The following KIAA0408 variants were observed in gnomAD, a reference collection of about 807,000 sequenced individuals.
KIAA0408 encodes uncharacterized protein KIAA0408.
Under a neutral mutation model 60.9 loss-of-function variants are expected in KIAA0408, and 51 were observed. That is an observed-to-expected ratio of 0.84 (90% CI 0.67 to 1.06). The LOEUF (loss-of-function observed/expected upper bound fraction) is 1.06, where lower values mean the gene tolerates loss of function less well. Among genes scored for constraint, KIAA0408 ranks in the 50% least tolerant of loss-of-function variants. The probability of loss-of-function intolerance (pLI) is 0.00; values close to 1 mark genes in which losing one functional copy is unlikely to be tolerated. For missense variants in KIAA0408, 787 were observed against 833.9 expected, an observed-to-expected ratio of 0.94 and a Z score of 0.69; for synonymous variants, 304 against 282.4, an observed-to-expected ratio of 1.08 and a Z score of -0.77.
chr6:127,449,251 G>T (rs1562370636), intron 4 of KIAA0408, among the ~76,000 whole-genome samples: 1 of 152,080 alleles, frequency 6.6e-6, no homozygotes, highest in African/African-American at 2.4e-5. Flanking sequence ...ATTTTTTATG[G>T]AGGGTCTACC....
intron 1 of KIAA0408, among the ~76,000 whole-genome samples, chr6:127,455,976 C>T (rs190718106): frequency 1.7e-3 from 263 of 152,208 alleles, no homozygotes; most frequent in African/African-American, 6.2e-3. Context: ...TCTTGAATAC[C>T]TAGTAATCTT....
Position 127,447,407 on chromosome 6 carries a change from T to G in KIAA0408, c.912A>C (p.Arg304=). Residue 304 remains arginine (R), a synonymous_variant, in exon 5 of 6, where the codon CGA becomes CGC. Coordinates refer to ENST00000483725, the MANE Select transcript of KIAA0408 (RefSeq NM_014702.5). Reference sequence around the variant, plus strand: ...AGTGAGGGTTGTAATTCCTTTTACTTCGACCCTCATGGGGCACCCAGCTGT... The same window carrying G: ...AGTGAGGGTTGTAATTCCTTTTACTGCGACCCTCATGGGGCACCCAGCTGT... The part of the protein sequence containing the change: ...DHNSWVPHEG[R]SKRNYNPHFP... The G allele has an allele frequency of 6.2e-7, 1 of 1,613,516 alleles. No individual in the cohort carries two copies.
chr6:127,445,508 T>G (rs1486921018), intron 5 of KIAA0408, among the ~76,000 whole-genome samples: 1 of 152,166 alleles, frequency 6.6e-6, no homozygotes, highest in East Asian at 1.9e-4. Flanking sequence ...ATAGTAGTTT[T>G]TTACACCAGA....
Position 127,449,906 on chromosome 6 carries a change from ACACATATAAG to A in KIAA0408, c.499-15_499-6del, listed in dbSNP as rs1562370883. 6.2e-7 allele frequency: 1 copy of A among 1,614,008 alleles called. No individual in the cohort carries two copies. Among genetic ancestry groups the A allele is most frequent in the Non-Finnish European group, 8.5e-7 (1 of 1,179,960 alleles). On this transcript the variant is annotated splice_region_variant and splice_polypyrimidine_tract_variant and intron_variant, in intron 3 of 5. Coordinates refer to ENST00000483725, the MANE Select transcript of KIAA0408 (RefSeq NM_014702.5). The stretch of plus-strand genomic sequence containing the variant: ...CTTCGCAAGTTCTTCAAGAGCCTTT[ACACATATAAG>A]CAACAGCCCGTTAGCACTTTGAAAT...
chr6:127,458,499 T>C (rs1773433385), intron 1 of KIAA0408, among the ~76,000 whole-genome samples: 1 of 152,220 alleles, frequency 6.6e-6, no homozygotes, highest in East Asian at 1.9e-4. Context: ...TTACTCAAAT[T>C]AGAAAACATC....
At position 127,444,151 on chromosome 6, in the gene KIAA0408, G is replaced by T; in HGVS notation, c.2043C>A (p.His681Gln). 6.2e-7 allele frequency: 1 copy of T among 1,614,066 alleles called. No homozygotes were observed. Among genetic ancestry groups the T allele is most frequent in the Non-Finnish European group, 8.5e-7 (1 of 1,179,988 alleles). ...CGGATCGCAGAGAAATGGTATAGTT[G>T]TGGGTAGTTCTCCGCAAGGCAGGGG... ...SAPPALRRTTHNYTISLRSEA... is the reference protein window; with the variant it reads ...SAPPALRRTTQNYTISLRSEA... The change falls in exon 6 of 6, where the codon CAC (histidine) becomes CAA (glutamine). Residue 681 changes from histidine (H) to glutamine (Q), a missense_variant. This residue lies in a region of KIAA0408 where 133 missense variants were observed against 119.2 expected (regional missense o/e 1.12). Coordinates refer to ENST00000483725, the MANE Select transcript of KIAA0408 (RefSeq NM_014702.5).
intron 2 of KIAA0408, among the ~76,000 whole-genome samples, chr6:127,452,208 G>T (rs1408277848): frequency 6.6e-6 from 1 of 152,098 alleles, no homozygotes; most frequent in East Asian, 1.9e-4. Flanking sequence ...CTAGTACATG[G>T]CTTAATAATT....
Position 127,447,313 on chromosome 6 carries a change from T to C in KIAA0408, c.1006A>G (p.Ile336Val), listed in dbSNP as rs747903220. 2 of 1,613,878 alleles carry C rather than the reference T, an allele frequency of 1.2e-6. No homozygotes were observed. The highest frequency in any genetic ancestry group is 1.7e-5 in the Admixed American group (1 of 59,930). ...NEGKTSKDGI[I>V]FSSLVPEVKI... is the part of the protein sequence containing the mutation. ...ACTTCTGGTACCAAAGAGGAAAAGA[T>C]GATACCATCTTTCGAAGTTTTCCCT... The change falls in exon 5 of 6, where the codon ATC (isoleucine) becomes GTC (valine). Residue 336 changes from isoleucine to valine, a missense_variant. By Grantham distance (29) the Ile-to-Val change is conservative. This residue lies in a region of KIAA0408 where 640 missense variants were observed against 681.3 expected (regional missense o/e 0.94). Transcript: ENST00000483725.
Position 127,439,614 on chromosome 6 carries a change from C to CTTTTTTT in KIAA0408, c.*4488_*4494dup, listed in dbSNP as rs60309279. The CTTTTTTT allele has an allele frequency of 6.8e-6, 1 of 146,380 alleles. No individual in the cohort carries two copies. The allele number at this position is 146,380 out of a possible 1,614,324, so 9.1% of individuals were successfully genotyped here. On this transcript the variant is annotated 3_prime_UTR_variant, in exon 6 of 6. Coordinates refer to ENST00000483725, the MANE Select transcript of KIAA0408 (RefSeq NM_014702.5). The stretch of plus-strand genomic sequence containing the variant: ...CAAAAATGAAAAAGAGCTGTTCAAT[C>CTTTTTTT]TTTTTTTTTTTTTGTCTTCTCTTCC...
intron 5 of KIAA0408, among the ~76,000 whole-genome samples, chr6:127,445,623 G>A (rs1029714101): frequency 3.9e-5 from 6 of 152,132 alleles, no homozygotes; most frequent in Admixed American, 2.6e-4. Context: ...ATGTCACCTT[G>A]TAATTTTTGT....
Position 127,439,298 on chromosome 6 carries a change from T to G in KIAA0408, c.*4811A>C, listed in dbSNP as rs934471194. 1 of 152,226 alleles carries G rather than the reference T, an allele frequency of 6.6e-6. No individual in the cohort carries two copies. The highest frequency in any genetic ancestry group is 1.5e-5 in the Non-Finnish European group (1 of 68,034). 9.4% of individuals were successfully genotyped at this position (152,226 alleles called of 1,614,324 possible). A position where few individuals can be genotyped will look rare whatever the true frequency, so the allele number is the denominator to read the frequency against. On this transcript the variant is annotated 3_prime_UTR_variant, in exon 6 of 6. Coordinates refer to ENST00000483725, the MANE Select transcript of KIAA0408 (RefSeq NM_014702.5). ...CTTATGAAGTGTGAAACTATTCTGA[T>G]TCTTTTGAAGATTGAGGTCAGGATT...
chr6:127,450,019 T>C lies in KIAA0408; in HGVS notation c.469A>G (p.Ser157Gly). Reference sequence around the variant, plus strand: ...CTGAGGGCGCCAGAACAGCTCTTGCTGTCTTCCTCAGAAGTCCTCAGGTCA... The same window carrying C: ...CTGAGGGCGCCAGAACAGCTCTTGCCGTCTTCCTCAGAAGTCCTCAGGTCA... ...WPDLRTSEED[S>G]KSCSGALSTA... The change falls in exon 3 of 6, where the codon AGC (serine) becomes GGC (glycine). Residue 157 changes from serine (S) to glycine (G), a missense_variant. By Grantham distance (56) the Ser-to-Gly change is moderately conservative (BLOSUM62 0). Around this residue, in one of 3 missense-constraint regions of KIAA0408, gnomAD observed 640 missense variants for 681.3 expected, o/e 0.94. Transcript: ENST00000483725. The C allele has an allele frequency of 6.2e-7, 1 of 1,613,892 alleles. No homozygotes were observed. Among genetic ancestry groups the C allele is most frequent in the South Asian group, 1.1e-5 (1 of 91,084 alleles).
rs770084987 is a variant in KIAA0408, at chr6:127,444,275, A to G, written c.1919T>C (p.Met640Thr). The G allele has an allele frequency of 6.9e-6, 11 of 1,585,280 alleles. No individual in the cohort carries two copies. The highest frequency in any genetic ancestry group is 2.3e-5 in the East Asian group (1 of 44,222). The change falls in exon 6 of 6, where the codon ATG becomes ACG. Residue 640 changes from methionine to threonine, a missense_variant. Physicochemically the swap from Met to Thr is moderately conservative, Grantham distance 81. This residue lies in a region of KIAA0408 where 133 missense variants were observed against 119.2 expected (regional missense o/e 1.12). Transcript: ENST00000483725. ...IDPKKITEESMSVNASHGKGF... is the reference protein window; with the variant it reads ...IDPKKITEESTSVNASHGKGF... The stretch of plus-strand genomic sequence containing the variant: ...TTTTCCATGTGAGGCGTTCACTGAC[A>G]TGGATTCCTAGGACACAAGTAAAAA...
chr6:127,445,754 A>G (rs6932965), intron 5 of KIAA0408, among the ~76,000 whole-genome samples: 83,214 of 151,894 alleles, frequency 0.55, 23,686 homozygotes, highest in Non-Finnish European at 0.59. Flanking sequence ...TCATAAATAG[A>G]CAGGAACAAA....
At position 127,446,947 on chromosome 6, in the gene KIAA0408, C is replaced by T. The variant is rs1341882352; in HGVS notation, c.1372G>A (p.Ala458Thr). 1.9e-6 allele frequency: 3 copies of T among 1,614,016 alleles called. No homozygotes were observed. Among genetic ancestry groups the T allele is most frequent in the Non-Finnish European group, 2.5e-6 (3 of 1,180,006 alleles). ...GAGCAGCTGTGATTTTGCTGTATTG[C>T]CTGACAATTTCTATCTGTTCTAAAT... is the stretch of plus-strand genomic sequence containing the variant. The part of the protein sequence containing the change: ...TVFRTDRNCQ[A>T]IQQNHSCSKS... The change falls in exon 5 of 6, where the codon GCA (alanine) becomes ACA (threonine). Residue 458 changes from alanine to threonine, a missense_variant. Transcript: ENST00000483725.
At chr6:127,453,520 T>C (rs1020219649) in intron 2 of KIAA0408, among the ~76,000 whole-genome samples, 18 of 152,068 alleles carry the variant, frequency 1.2e-4, no homozygotes, top group African/African-American at 4.3e-4. Context: ...ATATCTTTCT[T>C]GCATTTTACT....
At chr6:127,444,523 TAC>T (rs1166674222) in intron 5 of KIAA0408, among the ~76,000 whole-genome samples, 5 of 152,224 alleles carry the variant, frequency 3.3e-5, no homozygotes, top group African/African-American at 9.6e-5. Flanking sequence ...CAAATTTTAA[TAC>T]AGTTAATCTC....
At chr6:127,445,816 A>C (rs1309160205) in intron 5 of KIAA0408, among the ~76,000 whole-genome samples, 1 of 152,128 alleles carries the variant, frequency 6.6e-6, no homozygotes, top group East Asian at 1.9e-4. Context: ...TTTTTTGGTC[A>C]ATTTCTATGC....
chr6:127,443,970 T>TA lies in KIAA0408; in HGVS notation c.*138dup. 1 of 723,632 alleles carries TA rather than the reference T, an allele frequency of 1.4e-6. No homozygotes were observed. Among genetic ancestry groups the TA allele is most frequent in the Non-Finnish European group, 2.2e-6 (1 of 453,806 alleles). 44.8% of individuals were successfully genotyped at this position (723,632 alleles called of 1,614,324 possible). A position where few individuals can be genotyped will look rare whatever the true frequency, so the allele number is the denominator to read the frequency against. ...GCAGGAAGATAATTATTCCTTAGAT[T>TA]AAAAACACTGAAGACTGATGGAAAG... On this transcript the variant is annotated 3_prime_UTR_variant, in exon 6 of 6. Coordinates refer to ENST00000483725, the MANE Select transcript of KIAA0408 (RefSeq NM_014702.5).
Sources: gnomAD v4.1 joint callset for allele counts (sites outside exome capture counted in the v4.1 genomes callset) on GRCh38, gnomAD v4.1.1 for gene constraint, gnomAD v4.1.1 regional missense constraint, MANE v1.5 for transcripts, NCBI Gene and HGNC (gene_info 2026-07-23, HGNC 2026-07-21) for gene names.